UTRN: variants seen among roughly 807,000 people sequenced by gnomAD.
UTRN encodes utrophin.
A neutral mutation model predicts 463.9 loss-of-function variants in UTRN; 283 were observed. The ratio of observed to expected loss-of-function variants is 0.61; its 90% confidence interval spans 0.55 to 0.67. UTRN has a LOEUF of 0.67. Ranked by LOEUF, UTRN falls within the 30% of genes least tolerant of loss-of-function variation. UTRN has a pLI of 0.00. For missense variants in UTRN, 3,922 were observed against 4,084.3 expected, an observed-to-expected ratio of 0.96 and a Z score of 1.08; for synonymous variants, 1,442 against 1,431.5, an observed-to-expected ratio of 1.01 and a Z score of -0.17.
rs78109066 is a variant in UTRN at position 144,490,045 on chromosome 6, C to G, written c.4135-26C>G. 3,267 of 1,598,918 alleles carry G rather than the reference C, an allele frequency of 2.0e-3. 64 individuals are homozygous for G. In the African/African-American group the frequency reaches 0.038, roughly 18 times the overall value. On this transcript the variant is annotated intron_variant, in intron 30 of 74. Coordinates refer to ENST00000367545, the MANE Select transcript of UTRN (RefSeq NM_007124.3). ...ACTTAAGTAAAAAAAAAAGGACATCCTCTCCCCTTTCCAATCTCTTTTTAG... is the reference window on the plus strand; with the variant it reads ...ACTTAAGTAAAAAAAAAAGGACATCGTCTCCCCTTTCCAATCTCTTTTTAG...
chr6:144,705,279 A>G (rs1784980191), intron 53 of UTRN, among the ~76,000 whole-genome samples: 1 of 152,200 alleles, frequency 6.6e-6, no homozygotes, highest in South Asian at 2.1e-4. Context: ...TGGCTCTGTC[A>G]CTGATGACCT....
rs77815424 is a variant in UTRN, at chr6:144,462,925, A to G, written c.3066+59A>G. 4.6e-3 allele frequency: 5,926 copies of G among 1,292,036 alleles called. 205 individuals carry two copies. In the African/African-American group the frequency reaches 0.077, roughly 17 times the overall value. The allele number at this position is 1,292,036 out of a possible 1,614,324, so 80.0% of individuals were successfully genotyped here. A position where few individuals can be genotyped will look rare whatever the true frequency, so the allele number is the denominator to read the frequency against. On this transcript the variant is annotated intron_variant, in intron 23 of 74. Transcript: ENST00000367545. ...TTACGGGGTAAATAGTAATTATCTT[A>G]TAAGATTCACGTATTTATTATTTAA... is the stretch of plus-strand genomic sequence containing the variant.
At chr6:144,815,695 C>A (rs1341779089) in intron 65 of UTRN, among the ~76,000 whole-genome samples, 3 of 152,216 alleles carry the variant, frequency 2.0e-5, no homozygotes, top group African/African-American at 4.8e-5. Context: ...TTTGTTCTAG[C>A]CATACTGGCA....
intron 51 of UTRN, among the ~76,000 whole-genome samples, chr6:144,621,020 C>A (rs1055759374): frequency 1.3e-5 from 2 of 152,098 alleles, no homozygotes; most frequent in Non-Finnish European, 2.9e-5. Flanking sequence ...AGTATTGGAT[C>A]TAAGGGTATC....
In UTRN at chr6:144,730,429, G is replaced by A; in HGVS notation, c.7882G>A (p.Ala2628Thr). ...NAVDQARVFLADQPIEAPEEP... is the reference protein window; with the variant it reads ...NAVDQARVFLTDQPIEAPEEP... ...TGTCGACCAGGCCCGAGTTTTCTTGGCTGATCAGCCAATTGAGGCCCCTGA... is the reference window on the plus strand; with the variant it reads ...TGTCGACCAGGCCCGAGTTTTCTTGACTGATCAGCCAATTGAGGCCCCTGA... The change falls in exon 54 of 75, where the codon GCT becomes ACT. Residue 2628 changes from alanine (A) to threonine (T), a missense_variant. Physicochemically the swap from Ala to Thr is moderately conservative, Grantham distance 58. Coordinates refer to ENST00000367545, the MANE Select transcript of UTRN (RefSeq NM_007124.3). 1 of 1,611,290 alleles carries A rather than the reference G, an allele frequency of 6.2e-7. No homozygotes were observed. Among genetic ancestry groups the A allele is most frequent in the African/African-American group, 1.3e-5 (1 of 74,764 alleles).
intron 73 of UTRN, 113 bp from the exon 74 acceptor site, chr6:144,846,692 G>T (rs1782044286): frequency 7.1e-7 from 1 of 1,407,962 alleles, no homozygotes; most frequent in Non-Finnish European, 9.9e-7. Flanking sequence ...TAACAACTGG[G>T]CTATTATTAC....
chr6:144,572,554 C>A (rs1055827487), intron 50 of UTRN, among the ~76,000 whole-genome samples: 5 of 152,076 alleles, frequency 3.3e-5, no homozygotes, highest in Admixed American at 1.3e-4. Flanking sequence ...CCTTGCCCCC[C>A]ACCCCCTGAC....
At chr6:144,784,365 G>T (rs1200052581) in intron 61 of UTRN, among the ~76,000 whole-genome samples, 4 of 152,124 alleles carry the variant, frequency 2.6e-5, no homozygotes, top group Non-Finnish European at 5.9e-5. Flanking sequence ...GCTGGGTTGA[G>T]TCTTTATGGA....
At chr6:144,849,743 G>T (rs965620647) in intron 74 of UTRN, among the ~76,000 whole-genome samples, 3 of 152,136 alleles carry the variant, frequency 2.0e-5, no homozygotes, top group Admixed American at 1.3e-4. Flanking sequence ...CCTAAAATGA[G>T]CAGTATTGTG....
intron 58 of UTRN, among the ~76,000 whole-genome samples, chr6:144,771,410 G>A (rs1478339405): frequency 2.6e-5 from 4 of 151,832 alleles, no homozygotes; most frequent in Non-Finnish European, 5.9e-5. Flanking sequence ...ACCACACCTG[G>A]CTAAAATTTA....
chr6:144,804,716 G>T (rs1216095769), intron 65 of UTRN, among the ~76,000 whole-genome samples: 1 of 152,066 alleles, frequency 6.6e-6, no homozygotes, highest in Non-Finnish European at 1.5e-5. Flanking sequence ...GGAGACAGGG[G>T]TCCTATCCTT....
intron 51 of UTRN, among the ~76,000 whole-genome samples, chr6:144,623,812 T>C (rs909456118): frequency 6.6e-6 from 1 of 152,302 alleles, no homozygotes; most frequent in Admixed American, 6.5e-5. Context: ...TTATCCTGCA[T>C]TGGTAGGGGA....
chr6:144,744,900 A>G (rs1027702926), intron 54 of UTRN, among the ~76,000 whole-genome samples: 1 of 152,170 alleles, frequency 6.6e-6, no homozygotes, highest in Non-Finnish European at 1.5e-5. Context: ...CGTAAGCTTC[A>G]GCTACATGGT....
intron 70 of UTRN, 103 bp downstream of exon 70, chr6:144,836,041 C>G (rs1781074629): frequency 6.6e-7 from 1 of 1,507,032 alleles, no homozygotes; most frequent in Admixed American, 2.2e-5. Context: ...TCTAAGAAAT[C>G]TCAGTGGAGT....
At chr6:144,638,298 C>T (rs560555535) in intron 51 of UTRN, among the ~76,000 whole-genome samples, 1 of 152,288 alleles carries the variant, frequency 6.6e-6, no homozygotes, top group Non-Finnish European at 1.5e-5. Context: ...CATCTGTCAT[C>T]CTTGTTGATG....
chr6:144,487,622 T>TG lies in UTRN; in HGVS notation c.3903dup (p.Ile1302AspfsTer4), dbSNP rs1188385573. ...GAGAGCTTGGCCAGACTCTGATTGA[T>TG]GGGGGGATCCTGGATGATATAATCA... is the stretch of plus-strand genomic sequence containing the variant. On this transcript the variant is annotated frameshift_variant, in exon 29 of 75. Coordinates refer to ENST00000367545, the MANE Select transcript of UTRN (RefSeq NM_007124.3). LOFTEE classifies it high-confidence loss of function. 6.2e-7 allele frequency: 1 copy of TG among 1,613,658 alleles called. No homozygotes were observed. Among genetic ancestry groups the TG allele is most frequent in the Non-Finnish European group, 8.5e-7 (1 of 1,179,764 alleles).
chr6:144,515,777 C>T (rs1017680690), intron 37 of UTRN, among the ~76,000 whole-genome samples: 16 of 152,132 alleles, frequency 1.1e-4, no homozygotes, highest in Non-Finnish European at 2.1e-4. Context: ...GAGAAATATG[C>T]ACTTCTTTGA....
chr6:144,483,954 A>T (rs191820090), intron 27 of UTRN, among the ~76,000 whole-genome samples: 3 of 152,220 alleles, frequency 2.0e-5, no homozygotes, highest in Non-Finnish European at 4.4e-5. Flanking sequence ...TCTGGTAAGC[A>T]TACTTCATAT....
intron 60 of UTRN, among the ~76,000 whole-genome samples, chr6:144,779,783 A>G (rs1775653709): frequency 6.6e-6 from 1 of 152,136 alleles, no homozygotes; most frequent in Non-Finnish European, 1.5e-5. Context: ...ATTACAGTGA[A>G]AATTCCAGAT....
Sources: allele counts gnomAD v4.1 joint callset (sites outside exome capture counted in the v4.1 genomes callset), GRCh38; gene constraint gnomAD v4.1.1; transcripts MANE v1.5; gene names NCBI Gene and HGNC (gene_info 2026-07-23, HGNC 2026-07-21).